Variants in ARID3B observed in about 807,000 individuals in gnomAD.
ARID3B encodes the protein AT-rich interactive domain-containing protein 3B.
ARID3B carries 10 observed loss-of-function variants against 51.9 expected under a neutral mutation model. The ratio of observed to expected loss-of-function variants is 0.19; its 90% CI spans 0.12 to 0.33. The LOEUF is 0.33. Ranked by LOEUF, ARID3B falls within the 10% of genes least tolerant of loss-of-function variation. The pLI is 1.00. For synonymous variants in ARID3B, 205 were observed against 279.5 expected (o/e 0.73, Z 2.66); for missense variants, 483 against 716.3 (o/e 0.67, Z 3.72).
At chr15:74,553,359 G>A (rs1476322174) in intron 2 of ARID3B, among the ~76,000 whole-genome samples, 4 of 152,082 alleles carry the variant, frequency 2.6e-5, no homozygotes, top group South Asian at 2.1e-4. Context: ...TTAGTTTTAC[G>A]TTGAACACAT....
chr15:74,578,950 G>A (rs1272368003), intron 4 of ARID3B, among the ~76,000 whole-genome samples: 3 of 152,102 alleles, frequency 2.0e-5, no homozygotes, highest in Non-Finnish European at 4.4e-5. Flanking sequence ...AAGAAAGAAA[G>A]AAACGAAAGA....
At chr15:74,554,508 G>A (rs1463558231) in intron 2 of ARID3B, among the ~76,000 whole-genome samples, 1 of 151,974 alleles carries the variant, frequency 6.6e-6, no homozygotes, top group Non-Finnish European at 1.5e-5. Context: ...TCACCATGTT[G>A]GCAAGGCTGG....
At position 74,597,080 on chromosome 15, in the gene ARID3B, C is replaced by G. The variant is rs993094464; in HGVS notation, c.*1306C>G. ...CCCAGCTGACCAGGGAGGCAGAGGACACCTCCCCATCACTCAGCATTCCCA... is the reference window on the plus strand; with the variant it reads ...CCCAGCTGACCAGGGAGGCAGAGGAGACCTCCCCATCACTCAGCATTCCCA... On this transcript the variant is annotated 3_prime_UTR_variant, in exon 9 of 9. Coordinates refer to ENST00000346246, the MANE Select transcript of ARID3B (RefSeq NM_006465.4). 5 of 236,426 alleles carry G rather than the reference C, an allele frequency of 2.1e-5. No homozygotes were observed. The highest frequency in any genetic ancestry group is 1.1e-4 in the African/African-American group (5 of 45,332). The allele number at this position is 236,426 out of a possible 1,614,324, so 14.6% of individuals were successfully genotyped here.
chr15:74,566,237 C>G (rs2061697698), intron 2 of ARID3B, among the ~76,000 whole-genome samples: 1 of 152,072 alleles, frequency 6.6e-6, no homozygotes, highest in Non-Finnish European at 1.5e-5. Flanking sequence ...CATTACAAGT[C>G]ATTACTGAGG....
At chr15:74,575,658 C>T (rs1245563935) in intron 4 of ARID3B, among the ~76,000 whole-genome samples, 1 of 152,152 alleles carries the variant, frequency 6.6e-6, no homozygotes, top group African/African-American at 2.4e-5. Context: ...TGAGTGAACC[C>T]AAAGCAGGAG....
intron 5 of ARID3B, among the ~76,000 whole-genome samples, chr15:74,590,753 T>C (rs891897374): frequency 1.3e-5 from 2 of 152,144 alleles, no homozygotes; most frequent in Middle Eastern, 3.2e-3. Context: ...AGAATGACAG[T>C]GTCTAGGTCC....
rs962937607 is a variant in ARID3B, at chr15:74,593,392, G to A, written c.1519+156G>A. On this transcript the variant is annotated intron_variant, in intron 8 of 8. Coordinates refer to ENST00000346246, the MANE Select transcript of ARID3B (RefSeq NM_006465.4). Reference sequence around the variant, plus strand: ...GTTGCAAAGGTCAAGTGGTCCTCTGGACTAGTAGACTGTGGATTGTTAACA... The same window carrying A: ...GTTGCAAAGGTCAAGTGGTCCTCTGAACTAGTAGACTGTGGATTGTTAACA... 6.2e-6 allele frequency: 4 copies of A among 643,964 alleles called. No homozygotes were observed. In the African/African-American group the frequency reaches 7.3e-5, roughly 12 times the overall value. 39.9% of individuals were successfully genotyped at this position (643,964 alleles called of 1,614,324 possible).
chr15:74,581,007 C>T (rs1310233270), intron 4 of ARID3B, among the ~76,000 whole-genome samples: 2 of 152,174 alleles, frequency 1.3e-5, no homozygotes, highest in African/African-American at 4.8e-5. Context: ...TGCCATCTGT[C>T]AAGGCAGGAT....
At chr15:74,552,249 G>A (rs939593056) in intron 2 of ARID3B, among the ~76,000 whole-genome samples, 13 of 136,034 alleles carry the variant, frequency 9.6e-5, no homozygotes, top group African/African-American at 3.3e-4. Context: ...TTTTAATAGA[G>A]ATGGGGTTTC....
intron 4 of ARID3B, among the ~76,000 whole-genome samples, chr15:74,584,857 G>A (rs779224032): frequency 5.9e-5 from 9 of 152,188 alleles, no homozygotes; most frequent in Non-Finnish European, 1.3e-4. Context: ...AGCCCCAGGA[G>A]TCCCGCCAGC....
intron 2 of ARID3B, among the ~76,000 whole-genome samples, chr15:74,556,900 G>A (rs1030042778): frequency 1.1e-4 from 17 of 150,046 alleles, no homozygotes; most frequent in African/African-American, 4.2e-4. Context: ...TCAGCCTCCT[G>A]AGTAGCTGGG....
In ARID3B at chr15:74,557,055, G is replaced by A. The variant is rs147489981; in HGVS notation, c.552+12567G>A. On this transcript the variant is annotated intron_variant, in intron 2 of 8. Transcript: ENST00000346246. ...CTCCCAAAGTGCTAGGATTACAGACGTGAGCCAGCATGCACAGCCTCCTTT... is the reference window on the plus strand; with the variant it reads ...CTCCCAAAGTGCTAGGATTACAGACATGAGCCAGCATGCACAGCCTCCTTT... Among the ~76,000 whole-genome samples the A allele has an allele frequency of 2.7e-4, 41 of 152,030 alleles. No individual in the cohort carries two copies. In the East Asian group the frequency reaches 6.4e-3, roughly 24 times the overall value.
chr15:74,571,984 G>A (rs1346998202), intron 2 of ARID3B, among the ~76,000 whole-genome samples: 1 of 152,042 alleles, frequency 6.6e-6, no homozygotes, highest in African/African-American at 2.4e-5. Flanking sequence ...TTGCGCACAC[G>A]TGTAATCCCA....
Position 74,544,252 on chromosome 15 carries a change from G to A in ARID3B, c.316G>A (p.Glu106Lys). The change falls in exon 2 of 9, where the codon GAA becomes AAA. Residue 106 changes from glutamate (E) to lysine (K), a missense_variant. This residue lies in a region of ARID3B where 182 missense variants were observed against 244.5 expected (regional missense o/e 0.74). Coordinates refer to ENST00000346246, the MANE Select transcript of ARID3B (RefSeq NM_006465.4). ...TTTGGAAGATGAGGATGGGGATGAT[G>A]AAGTTGCAGAGGTGGCTGAGAAAGA... ...GGLEDEDGDDEVAEVAEKETQ... is the reference protein window; with the variant it reads ...GGLEDEDGDDKVAEVAEKETQ... The A allele has an allele frequency of 6.2e-7, 1 of 1,614,216 alleles. No individual in the cohort carries two copies. Among genetic ancestry groups the A allele is most frequent in the Non-Finnish European group, 8.5e-7 (1 of 1,180,024 alleles).
chr15:74,545,275 T>TC (rs1278334294), intron 2 of ARID3B, among the ~76,000 whole-genome samples: 1 of 152,248 alleles, frequency 6.6e-6, no homozygotes, highest in Admixed American at 6.5e-5. Context: ...GTATATATTT[T>TC]CCAACAAAGA....
At chr15:74,584,540 T>C (rs2061773265) in intron 4 of ARID3B, among the ~76,000 whole-genome samples, 1 of 152,110 alleles carries the variant, frequency 6.6e-6, no homozygotes, top group Non-Finnish European at 1.5e-5. Flanking sequence ...TATGAGTCTG[T>C]CTGGGGTCCC....
rs113964158 is a variant in ARID3B at position 74,595,532 on chromosome 15, G to A, written c.1520-79G>A. On this transcript the variant is annotated intron_variant, in intron 8 of 8. Coordinates refer to ENST00000346246, the MANE Select transcript of ARID3B (RefSeq NM_006465.4). ...GGAGTCAGGCACAGGCTAGGCCAGC[G>A]GTGAATACTTACTGAAAGGAGCTGG... The A allele has an allele frequency of 1.1e-3, 1,732 of 1,508,204 alleles. 13 individuals are homozygous for A. The African/African-American group carries it at 0.022, about 19-fold the overall frequency. The allele number at this position is 1,508,204 out of a possible 1,614,324, so 93.4% of individuals were successfully genotyped here.
chr15:74,593,184 T>G lies in ARID3B; in HGVS notation c.1467T>G (p.Ser489Arg). The G allele has an allele frequency of 6.2e-7, 1 of 1,613,590 alleles. No individual in the cohort carries two copies. Among genetic ancestry groups the G allele is most frequent in the South Asian group, 1.1e-5 (1 of 91,068 alleles). Residue 489 changes from serine (S) to arginine (R), a missense_variant, in exon 8 of 9, where the codon AGT (serine) becomes AGG (arginine). Ser to Arg is a moderately radical substitution (Grantham distance 110). Around this residue, in one of 3 missense-constraint regions of ARID3B, gnomAD observed 265 missense variants for 354.4 expected, o/e 0.75. Transcript: ENST00000346246. ...CTGCAGCACTGAACCTGACCACGAG[T>G]AGCATTGGGAGCATTAACATGTCTG... Reference protein sequence around the residue: ...ASAAALNLTTSSIGSINMSVD... With the variant: ...ASAAALNLTTRSIGSINMSVD...
chr15:74,556,596 A>G (rs1443731425), intron 2 of ARID3B, among the ~76,000 whole-genome samples: 1 of 152,174 alleles, frequency 6.6e-6, no homozygotes, highest in East Asian at 1.9e-4. Context: ...ACCAGTTTAT[A>G]GTGGCCAGTA....
Sources: gnomAD v4.1 joint callset for allele counts (sites outside exome capture counted in the v4.1 genomes callset) on GRCh38, gnomAD v4.1.1 for gene constraint, gnomAD v4.1.1 regional missense constraint, MANE v1.5 for transcripts, NCBI Gene and HGNC (gene_info 2026-07-23, HGNC 2026-07-21) for gene names.